CCDC24: variants seen among roughly 807,000 people sequenced by gnomAD.
CCDC24 encodes the protein coiled-coil domain containing 24, also known as coiled-coil domain-containing protein 24.
In CCDC24, 34 loss-of-function variants were observed where a neutral mutation model predicts 31.6. The ratio of observed to expected loss-of-function variants is 1.08; its 90% CI spans 0.82 to 1.43. CCDC24 has a LOEUF of 1.43. Among genes scored for constraint, CCDC24 ranks in the 40% most tolerant of loss-of-function variants. The pLI is 0.00. For synonymous variants in CCDC24, 175 were observed against 157.3 expected, an observed-to-expected ratio of 1.11 and a Z score of -0.84; for missense variants, 426 against 391.1, an observed-to-expected ratio of 1.09 and a Z score of -0.75.
Position 43,995,664 on chromosome 1 carries a change from C to G in CCDC24, c.616C>G (p.Leu206Val). The change falls in exon 7 of 9, where the codon CTG becomes GTG. Residue 206 changes from leucine to valine, a missense_variant. Physicochemically the swap from Leu to Val is conservative, Grantham distance 32. Transcript: ENST00000372318. The surrounding 1 kb of genome is among the most constrained non-coding windows in gnomAD (Gnocchi z 4.3). The stretch of plus-strand genomic sequence containing the variant: ...CTCTGAGGCAGCCCTGGAGCCCACC[C>G]TGGCAGGTGAGGACACGGAGCAGGG... ...HPSEAALEPTLAELKEQKKAM... is the reference protein window; with the variant it reads ...HPSEAALEPTVAELKEQKKAM... The G allele has an allele frequency of 6.2e-7, 1 of 1,613,658 alleles. No homozygotes were observed. The highest frequency in any genetic ancestry group is 8.5e-7 in the Non-Finnish European group (1 of 1,179,770).
Position 43,991,891 on chromosome 1 carries a change from T to C in CCDC24, c.13T>C (p.Ser5Pro). The C allele has an allele frequency of 1.9e-6, 3 of 1,550,958 alleles. No homozygotes were observed. Among genetic ancestry groups the C allele is most frequent in the Non-Finnish European group, 2.6e-6 (3 of 1,146,786 alleles). The change falls in exon 2 of 9, where the codon TCC becomes CCC. Residue 5 changes from serine to proline, a missense_variant. Physicochemically the swap from Ser to Pro is moderately conservative, Grantham distance 74 (BLOSUM62 -1). Transcript: ENST00000372318. The part of the protein sequence containing the change: MLRH[S>P]PSLWELVEEH... ...GCGTCGGTGGGTCATGCTCCGGCAC[T>C]CCCCCTCGCTGTGGGAGCTGGTGGA...
In CCDC24 at chr1:43,996,191, T is replaced by C. The variant is rs2085854719; in HGVS notation, c.*31T>C. The C allele has an allele frequency of 6.7e-7, 1 of 1,499,982 alleles. No individual in the cohort carries two copies. Among genetic ancestry groups the C allele is most frequent in the African/African-American group, 1.4e-5 (1 of 71,558 alleles). The allele number at this position is 1,499,982 out of a possible 1,614,324, so 92.9% of individuals were successfully genotyped here. A position where few individuals can be genotyped will look rare whatever the true frequency, so the allele number is the denominator to read the frequency against. ...TGGTCACCGAGTAGGCTCTGGCTTC[T>C]GCCACAGCGCACCTGTCTGCCGCTG... On this transcript the variant is annotated 3_prime_UTR_variant, in exon 9 of 9. Coordinates refer to ENST00000372318, the MANE Select transcript of CCDC24 (RefSeq NM_152499.4).
chr1:43,991,690 G>T lies in CCDC24; in HGVS notation c.-89G>T. 1.3e-6 allele frequency: 1 copy of T among 793,478 alleles called. No individual in the cohort carries two copies. The highest frequency in any genetic ancestry group is 2.1e-6 in the Non-Finnish European group (1 of 468,412). The allele number at this position is 793,478 out of a possible 1,614,324, so 49.2% of individuals were successfully genotyped here. On this transcript the variant is annotated 5_prime_UTR_variant, in exon 1 of 9. In the 5' UTR this introduces an upstream ATG that the reference lacks. Coordinates refer to ENST00000372318, the MANE Select transcript of CCDC24 (RefSeq NM_152499.4). Reference sequence around the variant, plus strand: ...AAAGCCGGGCAGAAGAGAGCGCCAAGGACTGGCAGTTCCGGAACGGGCAAT... The same window carrying T: ...AAAGCCGGGCAGAAGAGAGCGCCAATGACTGGCAGTTCCGGAACGGGCAAT...
Position 43,995,886 on chromosome 1 carries a change from G to A in CCDC24, c.701+30G>A, listed in dbSNP as rs771185306. 1 of 1,614,164 alleles carries A rather than the reference G, an allele frequency of 6.2e-7. No individual in the cohort carries two copies. The highest frequency in any genetic ancestry group is 1.1e-5 in the South Asian group (1 of 91,084). On this transcript the variant is annotated intron_variant, in intron 8 of 8. Coordinates refer to ENST00000372318, the MANE Select transcript of CCDC24 (RefSeq NM_152499.4). The surrounding 1 kb of genome is among the most constrained non-coding windows in gnomAD (Gnocchi z 4.3). ...ACCACAACAGTAGACACAGGGCAGG[G>A]TGGACTGAAGGATCAGACCACCACC...
In CCDC24 at chr1:43,994,047, A is replaced by C. The variant is rs1280724601; in HGVS notation, c.497+83A>C. The C allele has an allele frequency of 2.4e-6, 3 of 1,263,898 alleles. No homozygotes were observed. The African/African-American group carries it at 4.4e-5, about 19-fold the overall frequency. The allele number at this position is 1,263,898 out of a possible 1,614,324, so 78.3% of individuals were successfully genotyped here. ...TGAGGTGCTGGGATTGTGAGACAGG[A>C]GGTGGGTAGTATACTTGGCGGGGAG... On this transcript the variant is annotated intron_variant, in intron 5 of 8. Transcript: ENST00000372318.
rs1471948089 is a variant in CCDC24 at position 43,992,003 on chromosome 1, A to C, written c.125A>C (p.Glu42Ala). ...GACCTGAGCCTGGAGCTGCGGGCGG[A>C]GGTGGGGAGAGGGAAGGTGGGCCAC... ...AVDLSLELRA[E>A]VAMLRALLQE... Residue 42 changes from glutamate to alanine, a missense_variant and splice_region_variant, in exon 2 of 9, where the codon GAG becomes GCG. Glu to Ala is a moderately radical substitution (Grantham distance 107). Coordinates refer to ENST00000372318, the MANE Select transcript of CCDC24 (RefSeq NM_152499.4). 1 of 1,495,288 alleles carries C rather than the reference A, an allele frequency of 6.7e-7. No homozygotes were observed. Among genetic ancestry groups the C allele is most frequent in the South Asian group, 1.3e-5 (1 of 76,574 alleles). 92.6% of individuals were successfully genotyped at this position (1,495,288 alleles called of 1,614,324 possible).
chr1:43,994,872 A>C, intron 5 of CCDC24: 1 of 583,312 alleles, frequency 1.7e-6, no homozygotes, highest in Non-Finnish European at 3.1e-6. Context: ...GGGAGAGAGA[A>C]GGATGCCTGC....
At chr1:43,992,110 C>A in intron 2 of CCDC24, 102 bp from the exon 3 acceptor site, 1 of 1,511,254 alleles carries the variant, frequency 6.6e-7, no homozygotes, top group Non-Finnish European at 8.9e-7. Flanking sequence ...GAGATCCTAT[C>A]CTGGTCTCCC....
intron 3 of CCDC24, 29 bp from the exon 4 acceptor site, chr1:43,992,479 CCAGAAAGGAGCCTCT>C: frequency 6.2e-7 from 1 of 1,612,606 alleles, no homozygotes; most frequent in Non-Finnish European, 8.5e-7. Context: ...TCTGTGGTTT[CCAGAAAGGAGCCTCT>C]CAGCTTCCTT....
In CCDC24 at chr1:43,991,895, C is replaced by T. The variant is rs531132356; in HGVS notation, c.17C>T (p.Pro6Leu). ...CGGTGGGTCATGCTCCGGCACTCCC[C>T]CTCGCTGTGGGAGCTGGTGGAGGAG... is the stretch of plus-strand genomic sequence containing the variant. MLRHS[P>L]SLWELVEEHV... The change falls in exon 2 of 9, where the codon CCC (proline) becomes CTC (leucine). Residue 6 changes from proline (P) to leucine (L), a missense_variant. Physicochemically the swap from Pro to Leu is moderately conservative, Grantham distance 98 (BLOSUM62 -3). Transcript: ENST00000372318. 7.7e-6 allele frequency: 12 copies of T among 1,552,392 alleles called. No homozygotes were observed. The highest frequency in any genetic ancestry group is 2.4e-5 in the South Asian group (2 of 84,272).
rs2085745797 is a variant in CCDC24, at chr1:43,991,691, G to A, written c.-88G>A. The A allele has an allele frequency of 2.5e-6, 2 of 794,656 alleles. No homozygotes were observed. Among genetic ancestry groups the A allele is most frequent in the Admixed American group, 2.0e-5 (1 of 50,078 alleles). The allele number at this position is 794,656 out of a possible 1,614,324, so 49.2% of individuals were successfully genotyped here. On this transcript the variant is annotated 5_prime_UTR_variant, in exon 1 of 9. Transcript: ENST00000372318. ...AAGCCGGGCAGAAGAGAGCGCCAAG[G>A]ACTGGCAGTTCCGGAACGGGCAATC...
intron 2 of CCDC24, 87 bp downstream of exon 2, chr1:43,992,091 G>A: frequency 1.3e-6 from 2 of 1,503,034 alleles, no homozygotes; most frequent in Non-Finnish European, 1.8e-6. Context: ...GCCCTGCCGG[G>A]TAACTCCCGA....
chr1:43,992,235 C>A lies in CCDC24; in HGVS notation c.150C>A (p.Leu50=), dbSNP rs1242055516. The change falls in exon 3 of 9, where the codon CTC becomes CTA. Residue 50 remains leucine (L), a synonymous_variant. Transcript: ENST00000372318. ...AGGTGGCGATGTTACGGGCACTGCT[C>A]CAAGAGGCTCGATCCTCTCAAGCCC... ...RAEVAMLRAL[L]QEARSSQAPS... The A allele has an allele frequency of 6.2e-7, 1 of 1,613,584 alleles. No individual in the cohort carries two copies. Among genetic ancestry groups the A allele is most frequent in the Non-Finnish European group, 8.5e-7 (1 of 1,179,740 alleles).
chr1:43,991,772 C>T (rs897855059), intron 1 of CCDC24, 26 bp downstream of exon 1: 27 of 1,402,902 alleles, frequency 1.9e-5, no homozygotes, highest in Non-Finnish European at 2.2e-5. Flanking sequence ...GGGCGGGGCC[C>T]ATAGAGGGGC....
chr1:43,992,328 G>C lies in CCDC24; in HGVS notation c.243G>C (p.Leu81Phe), dbSNP rs2085761096. 6.2e-7 allele frequency: 1 copy of C among 1,614,110 alleles called. No homozygotes were observed. Among genetic ancestry groups the C allele is most frequent in the South Asian group, 1.1e-5 (1 of 91,070 alleles). ...LAPPPLLKDLLRQELRQLLQG... is the reference protein window; with the variant it reads ...LAPPPLLKDLFRQELRQLLQG... Reference sequence around the variant, plus strand: ...CACCGCCTCTCCTAAAGGACCTCTTGCGCCAGGAGCTCCGGCAGTTGCTCC... The same window carrying C: ...CACCGCCTCTCCTAAAGGACCTCTTCCGCCAGGAGCTCCGGCAGTTGCTCC... Residue 81 changes from leucine (L) to phenylalanine (F), a missense_variant, in exon 3 of 9, where the codon TTG (leucine) becomes TTC (phenylalanine). By Grantham distance (22) the Leu-to-Phe change is conservative. Coordinates refer to ENST00000372318, the MANE Select transcript of CCDC24 (RefSeq NM_152499.4).
rs765133071 is a variant in CCDC24, at chr1:43,992,513, C to A, written c.303-10C>A. 1 of 1,614,148 alleles carries A rather than the reference C, an allele frequency of 6.2e-7. No homozygotes were observed. The highest frequency in any genetic ancestry group is 1.3e-5 in the African/African-American group (1 of 75,056). On this transcript the variant is annotated splice_polypyrimidine_tract_variant and intron_variant, in intron 3 of 8. Coordinates refer to ENST00000372318, the MANE Select transcript of CCDC24 (RefSeq NM_152499.4). ...AGCCTCTCAGCTTCCTTCCTGTGCACCTTCTGCAGGGACCAGGCCCAAGCT... is the reference window on the plus strand; with the variant it reads ...AGCCTCTCAGCTTCCTTCCTGTGCAACTTCTGCAGGGACCAGGCCCAAGCT...
chr1:43,992,121 C>T (rs1433278223), intron 2 of CCDC24, 91 bp from the exon 3 acceptor site: 1 of 1,518,234 alleles, frequency 6.6e-7, no homozygotes, highest in South Asian at 1.3e-5. Context: ...CTGGTCTCCC[C>T]TTTGACTCCG....
At chr1:43,993,461 C>T (rs925293200) in intron 4 of CCDC24, among the ~76,000 whole-genome samples, 6 of 151,220 alleles carry the variant, frequency 4.0e-5, no homozygotes, top group African/African-American at 9.7e-5. Flanking sequence ...AAAAAGAAGC[C>T]TGGGCAACAT....
rs1201741429 is a variant in CCDC24 at position 43,996,309 on chromosome 1, C to G, written c.*149C>G. 1.4e-6 allele frequency: 1 copy of G among 706,620 alleles called. No individual in the cohort carries two copies. The highest frequency in any genetic ancestry group is 2.3e-6 in the Non-Finnish European group (1 of 439,180). The allele number at this position is 706,620 out of a possible 1,614,324, so 43.8% of individuals were successfully genotyped here. A position where few individuals can be genotyped will look rare whatever the true frequency, so the allele number is the denominator to read the frequency against. On this transcript the variant is annotated 3_prime_UTR_variant, in exon 9 of 9. Coordinates refer to ENST00000372318, the MANE Select transcript of CCDC24 (RefSeq NM_152499.4). ...GGCTGTTGGTCTGTCTGGCCCTTGC[C>G]CCACCCCCTTGCCAGATCCCTGGTG...
Sources: gnomAD v4.1 joint callset for allele counts (sites outside exome capture counted in the v4.1 genomes callset) on GRCh38, gnomAD v4.1.1 for gene constraint, Gnocchi (gnomAD v3.1) non-coding constraint, MANE v1.5 for transcripts, NCBI Gene and HGNC (gene_info 2026-07-23, HGNC 2026-07-21) for gene names.